Variants in GRM7 observed in about 807,000 individuals in gnomAD.
GRM7 encodes the protein metabotropic glutamate receptor 7.
A neutral mutation model predicts 84.5 loss-of-function variants in GRM7; 35 were observed. That is an observed-to-expected ratio of 0.41 (90% confidence interval 0.32 to 0.55). GRM7 has a LOEUF of 0.55. Among genes scored for constraint, GRM7 ranks in the 20% least tolerant of loss-of-function variants. GRM7 has a pLI of 0.19. For missense variants in GRM7, 1,003 were observed against 1,194.6 expected (o/e 0.84, Z 2.36); for synonymous variants, 487 against 455.1 (o/e 1.07, Z -0.89).
chr3:7,291,578 A>T (rs1699629686), intron 2 of GRM7, among the ~76,000 whole-genome samples: 1 of 146,096 alleles, frequency 6.8e-6, no homozygotes, highest in African/African-American at 2.5e-5. Flanking sequence ...GTCTATTTTT[A>T]CCAAGGGAGT....
At chr3:7,634,114 T>C (rs931416802) in intron 8 of GRM7, among the ~76,000 whole-genome samples, 2 of 152,206 alleles carry the variant, frequency 1.3e-5, no homozygotes, top group African/African-American at 4.8e-5. Context: ...AAATGTCCAT[T>C]TCCTGCTTCC....
intron 1 of GRM7, among the ~76,000 whole-genome samples, chr3:6,942,633 G>A (rs976176696): frequency 6.6e-6 from 1 of 152,028 alleles, no homozygotes; most frequent in Admixed American, 6.5e-5. Flanking sequence ...TATACTTGTT[G>A]ATGGGAATTT....
In GRM7 at chr3:7,306,462, T is replaced by C. The variant is rs140048512; in HGVS notation, c.879-36T>C. 3.7e-5 allele frequency: 59 copies of C among 1,588,686 alleles called. No homozygotes were observed. The African/African-American group carries it at 6.0e-4, about 16-fold the overall frequency. ...CTACACGGATTCAGCTGACGTTCTT[T>C]ATCATTAATATAACTTTCCATATTT... On this transcript the variant is annotated intron_variant, in intron 3 of 9. Coordinates refer to ENST00000357716, the MANE Select transcript of GRM7 (RefSeq NM_000844.4).
chr3:7,513,126 T>C (rs534928569), intron 7 of GRM7, among the ~76,000 whole-genome samples: 6 of 152,084 alleles, frequency 3.9e-5, no homozygotes, highest in Non-Finnish European at 5.9e-5. Flanking sequence ...CCTAAGAAAG[T>C]TTTTGCAGAG....
chr3:7,029,824 A>G (rs1696125173), intron 1 of GRM7, among the ~76,000 whole-genome samples: 1 of 152,226 alleles, frequency 6.6e-6, no homozygotes, highest in Non-Finnish European at 1.5e-5. Flanking sequence ...GCTTAATACC[A>G]CTGAACTATA....
At chr3:6,915,151 TAAAG>T (rs879932086) in intron 1 of GRM7, among the ~76,000 whole-genome samples, 51 of 151,480 alleles carry the variant, frequency 3.4e-4, no homozygotes, top group Middle Eastern at 6.8e-3. Context: ...ACATATGTAA[TAAAG>T]AGTCACGCTT....
chr3:7,209,098 C>A (rs1285605323), intron 2 of GRM7, among the ~76,000 whole-genome samples: 1 of 152,140 alleles, frequency 6.6e-6, no homozygotes, highest in African/African-American at 2.4e-5. Context: ...TACAGTTGAG[C>A]AAAGTTATCT....
intron 5 of GRM7, among the ~76,000 whole-genome samples, chr3:7,442,094 T>C (rs182419563): frequency 2.3e-4 from 35 of 152,276 alleles, no homozygotes; most frequent in Admixed American, 1.0e-3. Flanking sequence ...TTTAACAATA[T>C]TGATTCTTCC....
intron 1 of GRM7, among the ~76,000 whole-genome samples, chr3:7,049,996 A>G (rs1696935205): frequency 6.6e-6 from 1 of 151,902 alleles, no homozygotes; most frequent in Non-Finnish European, 1.5e-5. Flanking sequence ...CAGTCATTGT[A>G]AAGTTCTAAT....
In GRM7 at chr3:6,861,689, C is replaced by T; in HGVS notation, c.301C>T (p.Leu101=). 2 of 1,614,076 alleles carry T rather than the reference C, an allele frequency of 1.2e-6. No individual in the cohort carries two copies. Among genetic ancestry groups the T allele is most frequent in the Admixed American group, 3.3e-5 (2 of 60,026 alleles). The change falls in exon 1 of 10, where the codon CTG becomes TTG. Residue 101 remains leucine, a synonymous_variant. Transcript: ENST00000357716. This position sits in a 1 kb window ranked among gnomAD's most constrained non-coding sequence, Gnocchi z 6.4. ...SDPNLLPNVT[L]GARILDTCSR... Reference sequence around the variant, plus strand: ...TCCCAACCTACTGCCCAACGTGACGCTGGGCGCGCGGATCCTGGACACTTG... The same window carrying T: ...TCCCAACCTACTGCCCAACGTGACGTTGGGCGCGCGGATCCTGGACACTTG...
chr3:7,573,424 TA>T (rs1202987498), intron 7 of GRM7, among the ~76,000 whole-genome samples: 1 of 152,170 alleles, frequency 6.6e-6, no homozygotes, highest in Admixed American at 6.5e-5. Context: ...CCTGAAGTGA[TA>T]AAATTTTCTT....
At chr3:7,426,126 CT>C (rs543952830) in intron 5 of GRM7, among the ~76,000 whole-genome samples, 10 of 147,954 alleles carry the variant, frequency 6.8e-5, no homozygotes, top group East Asian at 2.0e-4. Flanking sequence ...TTTTCTTTTT[CT>C]TTTTTTTTTG....
At chr3:7,634,799 AAAAAAAAG>A (rs568825007) in intron 8 of GRM7, among the ~76,000 whole-genome samples, 12 of 152,106 alleles carry the variant, frequency 7.9e-5, no homozygotes, top group East Asian at 5.8e-4. Context: ...GTCTCAAAAA[AAAAAAAAG>A]AAAAAGAAAA....
intron 1 of GRM7, among the ~76,000 whole-genome samples, chr3:7,079,976 G>A (rs1419312287): frequency 6.6e-6 from 1 of 152,124 alleles, no homozygotes; most frequent in Non-Finnish European, 1.5e-5. Flanking sequence ...GCATTGATGT[G>A]AAACAAAGAG....
At chr3:7,457,902 G>A (rs1356693458) in intron 6 of GRM7, among the ~76,000 whole-genome samples, 2 of 152,176 alleles carry the variant, frequency 1.3e-5, no homozygotes, top group Non-Finnish European at 2.9e-5. Flanking sequence ...GCTGACATGA[G>A]TGGACCAGAG....
chr3:7,693,576 A>C, intron 9 of GRM7: 2 of 1,029,510 alleles, frequency 1.9e-6, no homozygotes, highest in Non-Finnish European at 2.9e-6. Flanking sequence ...ATTTGCATTT[A>C]ATTTCCTGTG....
At chr3:7,001,456 A>T (rs1695012377) in intron 1 of GRM7, among the ~76,000 whole-genome samples, 1 of 152,228 alleles carries the variant, frequency 6.6e-6, no homozygotes, top group Non-Finnish European at 1.5e-5. Context: ...TAATGTATAG[A>T]TGAGCTACTT....
chr3:7,002,355 C>T (rs1188908084), intron 1 of GRM7, among the ~76,000 whole-genome samples: 2 of 152,180 alleles, frequency 1.3e-5, no homozygotes, highest in African/African-American at 2.4e-5. Context: ...TCTACTAGAA[C>T]TATGAGCCTA....
At chr3:7,002,879 T>C (rs1290496423) in intron 1 of GRM7, among the ~76,000 whole-genome samples, 3 of 152,164 alleles carry the variant, frequency 2.0e-5, no homozygotes, top group Non-Finnish European at 4.4e-5. Flanking sequence ...AAATGTGGTA[T>C]ATTACACAAT....
Sources: gnomAD v4.1 joint callset for allele counts (sites outside exome capture counted in the v4.1 genomes callset) on GRCh38, gnomAD v4.1.1 for gene constraint, Gnocchi (gnomAD v3.1) non-coding constraint, MANE v1.5 for transcripts, NCBI Gene and HGNC (gene_info 2026-07-23, HGNC 2026-07-21) for gene names.